The following DOHH variants were observed in gnomAD, a reference collection of about 807,000 sequenced individuals.
DOHH encodes deoxyhypusine hydroxylase.
In DOHH, 16 loss-of-function variants were observed where a neutral mutation model predicts 19.9. The observed-to-expected ratio is 0.80, with a 90% CI of 0.54 to 1.22. The LOEUF is 1.22. DOHH is among the 50% of genes most tolerant of loss of function. DOHH has a pLI of 0.00. For missense variants in DOHH, 460 were observed against 460.6 expected (o/e 1.00, Z 0.01); for synonymous variants, 233 against 217.0 (o/e 1.07, Z -0.65).
intron 3 of DOHH, among the ~76,000 whole-genome samples, chr19:3,492,772 G>A (rs550075047): frequency 3.9e-5 from 6 of 152,302 alleles, no homozygotes; most frequent in Admixed American, 6.5e-5. Flanking sequence ...GGATGGGGAA[G>A]CAGCGGTGGA....
In DOHH at chr19:3,491,958, C is replaced by G; in HGVS notation, c.590-147G>C. Reference sequence around the variant, plus strand: ...ATCCCGGCCTCCCAAAGTGCTGGGACGACAGGCGTGAGCCACCACGCCCAA... The same window carrying G: ...ATCCCGGCCTCCCAAAGTGCTGGGAGGACAGGCGTGAGCCACCACGCCCAA... On this transcript the variant is annotated intron_variant, in intron 4 of 4. Coordinates refer to ENST00000427575, the MANE Select transcript of DOHH (RefSeq NM_001145165.2). The surrounding 1 kb of genome is among the most constrained non-coding windows in gnomAD (Gnocchi z 5.6). 1 of 973,296 alleles carries G rather than the reference C, an allele frequency of 1.0e-6. No homozygotes were observed. The highest frequency in any genetic ancestry group is 1.9e-5 in the South Asian group (1 of 52,758). 60.3% of individuals were successfully genotyped at this position (973,296 alleles called of 1,614,324 possible). A position where few individuals can be genotyped will look rare whatever the true frequency, so the allele number is the denominator to read the frequency against.
chr19:3,496,785 G>A lies in DOHH; in HGVS notation c.30C>T (p.Ile10=), dbSNP rs140835573. 9.8e-5 allele frequency: 156 copies of A among 1,599,004 alleles called. No homozygotes were observed. Among genetic ancestry groups the A allele is most frequent in the African/African-American group, 8.4e-4 (63 of 74,764 alleles). The change falls in exon 2 of 5, where the codon ATC becomes ATT. Residue 10 remains isoleucine, a synonymous_variant. Transcript: ENST00000427575. The surrounding 1 kb of genome is among the most constrained non-coding windows in gnomAD (Gnocchi z 4.8). MVTEQEVDA[I]GQTLVDPKQP... is the part of the protein sequence containing the mutation. Reference sequence around the variant, plus strand: ...GCTTGGGGTCCACCAGCGTCTGCCCGATGGCATCCACCTCCTGCTCCGTCA... The same window carrying A: ...GCTTGGGGTCCACCAGCGTCTGCCCAATGGCATCCACCTCCTGCTCCGTCA...
At chr19:3,497,618 C>G (rs1241150611) in intron 1 of DOHH, among the ~76,000 whole-genome samples, 1 of 152,094 alleles carries the variant, frequency 6.6e-6, no homozygotes, top group East Asian at 1.9e-4. Context: ...TTGAAGGTAA[C>G]CAAGTATGTT....
At chr19:3,498,171 C>G (rs1244418510) in intron 1 of DOHH, among the ~76,000 whole-genome samples, 1 of 152,154 alleles carries the variant, frequency 6.6e-6, no homozygotes, top group African/African-American at 2.4e-5. Flanking sequence ...GCCCTAGGGC[C>G]TTTGCATTTG....
In DOHH at chr19:3,494,056, T is replaced by C. The variant is rs766268578; in HGVS notation, c.323A>G (p.Lys108Arg). The C allele has an allele frequency of 1.4e-5, 23 of 1,613,612 alleles. No individual in the cohort carries two copies. Among genetic ancestry groups the C allele is most frequent in the Non-Finnish European group, 1.8e-5 (21 of 1,179,808 alleles). Residue 108 changes from lysine to arginine, a missense_variant, in exon 3 of 5, where the codon AAG becomes AGG. Coordinates refer to ENST00000427575, the MANE Select transcript of DOHH (RefSeq NM_001145165.2). Reference sequence around the variant, plus strand: ...GATGACGGGGTCCGAGGAATACTGCTTCAGGATCTCCAGAACTTCCGGGTC... The same window carrying C: ...GATGACGGGGTCCGAGGAATACTGCCTCAGGATCTCCAGAACTTCCGGGTC... ...IGDPEVLEILKQYSSDPVIEV... is the reference protein window; with the variant it reads ...IGDPEVLEILRQYSSDPVIEV...
chr19:3,496,887 C>A lies in DOHH; in HGVS notation c.-72-1G>T, dbSNP rs2082913351. The A allele has an allele frequency of 7.2e-7, 1 of 1,393,628 alleles. No homozygotes were observed. The highest frequency in any genetic ancestry group is 1.4e-5 in the African/African-American group (1 of 69,988). The allele number at this position is 1,393,628 out of a possible 1,614,324, so 86.3% of individuals were successfully genotyped here. Reference sequence around the variant, plus strand: ...CCTGGGGACGCGGGGATGTAAGAACCTGTGGCAGAAAAATGAGAGCCCAGG... The same window carrying A: ...CCTGGGGACGCGGGGATGTAAGAACATGTGGCAGAAAAATGAGAGCCCAGG... On this transcript the variant is annotated splice_acceptor_variant, in intron 1 of 4. Transcript: ENST00000427575. LOFTEE classifies it low-confidence loss of function (5UTR_SPLICE). This position sits in a 1 kb window ranked among gnomAD's most constrained non-coding sequence, Gnocchi z 4.8.
intron 3 of DOHH, 92 bp downstream of exon 3, chr19:3,493,936 C>G: frequency 7.9e-7 from 1 of 1,269,228 alleles, no homozygotes; most frequent in Non-Finnish European, 1.1e-6. Context: ...TGGGGAGGGT[C>G]TGAGGCTGCT....
At position 3,491,135 on chromosome 19, in the gene DOHH, C is replaced by T. The variant is rs951918477; in HGVS notation, c.*357G>A. On this transcript the variant is annotated 3_prime_UTR_variant, in exon 5 of 5. Coordinates refer to ENST00000427575, the MANE Select transcript of DOHH (RefSeq NM_001145165.2). This position sits in a 1 kb window ranked among gnomAD's most constrained non-coding sequence, Gnocchi z 5.6. Reference sequence around the variant, plus strand: ...CCCTGGCTTCCCTCGCGATCCTCCCCTGGCTTCCCTCGCGATCCTCCCCTG... The same window carrying T: ...CCCTGGCTTCCCTCGCGATCCTCCCTTGGCTTCCCTCGCGATCCTCCCCTG... 9.0e-5 allele frequency: 32 copies of T among 355,838 alleles called. No individual in the cohort carries two copies. The highest frequency in any genetic ancestry group is 1.5e-4 in the Non-Finnish European group (29 of 195,744). The allele number at this position is 355,838 out of a possible 1,614,324, so 22.0% of individuals were successfully genotyped here. A position where few individuals can be genotyped will look rare whatever the true frequency, so the allele number is the denominator to read the frequency against.
chr19:3,493,026 G>T (rs1242422953), intron 3 of DOHH, among the ~76,000 whole-genome samples: 3 of 152,240 alleles, frequency 2.0e-5, no homozygotes, highest in Admixed American at 2.0e-4. Context: ...AAGTGGCAGG[G>T]GAGAAAGGAA....
Position 3,496,831 on chromosome 19 carries a change from C to A in DOHH, c.-17G>T. ...CGTCACCATCGTGCTGTCAATGGGT[C>A]CCGGCCTTCCACAACCCTGCTCAGG... On this transcript the variant is annotated 5_prime_UTR_variant, in exon 2 of 5. Coordinates refer to ENST00000427575, the MANE Select transcript of DOHH (RefSeq NM_001145165.2). This position sits in a 1 kb window ranked among gnomAD's most constrained non-coding sequence, Gnocchi z 4.8. The A allele has an allele frequency of 6.5e-7, 1 of 1,545,126 alleles. No homozygotes were observed. The highest frequency in any genetic ancestry group is 2.0e-5 in the Admixed American group (1 of 50,272).
rs202024004 is a variant in DOHH at position 3,494,085 on chromosome 19, G to A, written c.294C>T (p.Ile98=). 4 of 1,613,758 alleles carry A rather than the reference G, an allele frequency of 2.5e-6. No individual in the cohort carries two copies. Among genetic ancestry groups the A allele is most frequent in the South Asian group, 2.2e-5 (2 of 91,050 alleles). Reference sequence around the variant, plus strand: ...GGATCTCCAGAACTTCCGGGTCCCCGATGGCCCCCAGGGCCTCCCCTGGGA... The same window carrying A: ...GGATCTCCAGAACTTCCGGGTCCCCAATGGCCCCCAGGGCCTCCCCTGGGA... ...RHEAGEALGA[I]GDPEVLEILK... is the part of the protein sequence containing the mutation. Residue 98 remains isoleucine (I), a synonymous_variant, in exon 3 of 5, where the codon ATC becomes ATT. Transcript: ENST00000427575.
In DOHH at chr19:3,493,979, C is replaced by A; in HGVS notation, c.351+49G>T. 4 of 1,575,480 alleles carry A rather than the reference C, an allele frequency of 2.5e-6. No homozygotes were observed. The Admixed American group carries it at 7.0e-5, about 27-fold the overall frequency. On this transcript the variant is annotated intron_variant, in intron 3 of 4. Transcript: ENST00000427575. ...AGGGCTGGGGCAGGGCTGGGCAGGG[C>A]TTCCCAGGGACCCGAGACTGGCAGG...
chr19:3,494,037 G>C lies in DOHH; in HGVS notation c.342C>G (p.Pro114=). 1.9e-6 allele frequency: 3 copies of C among 1,613,142 alleles called. No homozygotes were observed. Among genetic ancestry groups the C allele is most frequent in the Admixed American group, 3.3e-5 (2 of 59,944 alleles). ...LEILKQYSSD[P]VIEVAETCQL... Reference sequence around the variant, plus strand: ...GCAGGGGCCTGGTTACCTCGATGACGGGGTCCGAGGAATACTGCTTCAGGA... The same window carrying C: ...GCAGGGGCCTGGTTACCTCGATGACCGGGTCCGAGGAATACTGCTTCAGGA... Residue 114 remains proline (P), a synonymous_variant, in exon 3 of 5, where the codon CCC becomes CCG. Transcript: ENST00000427575.
At chr19:3,493,800 G>A (rs1389646080) in intron 3 of DOHH, among the ~76,000 whole-genome samples, 1 of 152,164 alleles carries the variant, frequency 6.6e-6, no homozygotes, top group Non-Finnish European at 1.5e-5. Context: ...GATGGAAGCG[G>A]GTGAGCAAAG....
intron 3 of DOHH, 65 bp downstream of exon 3, chr19:3,493,952 TCAGGGCTGGGG>T (rs2082889181): frequency 7.8e-6 from 11 of 1,416,442 alleles, no homozygotes; most frequent in South Asian, 6.4e-5. Flanking sequence ...CTGCTCCAGG[TCAGGGCTGGGG>T]CAGGGCTGGG....
chr19:3,491,331 C>G lies in DOHH; in HGVS notation c.*161G>C. ...GACTCAGGGAGTCACAGCACAACGGCAGCTCCTCGGTCCCAGACGGAGGAG... is the reference window on the plus strand; with the variant it reads ...GACTCAGGGAGTCACAGCACAACGGGAGCTCCTCGGTCCCAGACGGAGGAG... On this transcript the variant is annotated 3_prime_UTR_variant, in exon 5 of 5. Transcript: ENST00000427575. The surrounding 1 kb of genome is among the most constrained non-coding windows in gnomAD (Gnocchi z 5.6). 1 of 741,404 alleles carries G rather than the reference C, an allele frequency of 1.3e-6. No individual in the cohort carries two copies. Among genetic ancestry groups the G allele is most frequent in the Non-Finnish European group, 2.1e-6 (1 of 467,750 alleles). The allele number at this position is 741,404 out of a possible 1,614,324, so 45.9% of individuals were successfully genotyped here. A position where few individuals can be genotyped will look rare whatever the true frequency, so the allele number is the denominator to read the frequency against.
At chr19:3,500,204 G>C (rs1360345326) in intron 1 of DOHH, among the ~76,000 whole-genome samples, 1 of 152,234 alleles carries the variant, frequency 6.6e-6, no homozygotes, top group Non-Finnish European at 1.5e-5. Context: ...CGTCAGCAAG[G>C]CTGCCTGGGC....
At position 3,491,988 on chromosome 19, in the gene DOHH, G is replaced by C. The variant is rs1176078235; in HGVS notation, c.590-177C>G. Among the ~76,000 whole-genome samples, 1 of 152,180 alleles carries C rather than the reference G, an allele frequency of 6.6e-6. No homozygotes were observed. The highest frequency in any genetic ancestry group is 1.5e-5 in the Non-Finnish European group (1 of 68,014). On this transcript the variant is annotated intron_variant, in intron 4 of 4. Transcript: ENST00000427575. The surrounding 1 kb of genome is among the most constrained non-coding windows in gnomAD (Gnocchi z 5.6). ...GGCGTGAGCCACCACGCCCAACCTGGGGTGTTCTACCTTGAAGACACCCCT... is the reference window on the plus strand; with the variant it reads ...GGCGTGAGCCACCACGCCCAACCTGCGGTGTTCTACCTTGAAGACACCCCT...
intron 2 of DOHH, among the ~76,000 whole-genome samples, chr19:3,495,010 T>G (rs1233767775): frequency 1.3e-5 from 2 of 151,944 alleles, no homozygotes; most frequent in African/African-American, 4.8e-5. Flanking sequence ...TTCGCTCTTG[T>G]GACCCAGGCT....
Sources: allele counts gnomAD v4.1 joint callset (sites outside exome capture counted in the v4.1 genomes callset), GRCh38; gene constraint gnomAD v4.1.1; non-coding constraint Gnocchi (gnomAD v3.1); transcripts MANE v1.5; gene names NCBI Gene and HGNC (gene_info 2026-07-23, HGNC 2026-07-21).